The following CYBA variants were observed in gnomAD, a reference collection of about 807,000 sequenced individuals.
CYBA encodes the protein cytochrome b-245 light chain.
Under a neutral mutation model 20.8 loss-of-function variants are expected in CYBA, and 21 were observed. That is an observed-to-expected ratio of 1.01 (90% CI 0.72 to 1.46). The LOEUF (loss-of-function observed/expected upper bound fraction) is 1.46. Among genes scored for constraint, CYBA ranks in the 40% most tolerant of loss-of-function variants. CYBA has a pLI of 0.00. For synonymous variants in CYBA, 164 were observed against 127.5 expected (o/e 1.29, Z -1.93); for missense variants, 344 against 287.0 (o/e 1.20, Z -1.43).
intron 1 of CYBA, chr16:88,650,263 C>G: frequency 2.4e-6 from 1 of 412,634 alleles, no homozygotes; most frequent in Non-Finnish European, 5.0e-6. Context: ...CCGTGCTGGG[C>G]CAGACACTCC....
At position 88,651,029 on chromosome 16, in the gene CYBA, G is replaced by C; in HGVS notation, c.-16C>G. ...TCTGCCCCATGGCGACACGAACCCG[G>C]CTGGGACACTGCTAGGCGCGCACTG... On this transcript the variant is annotated 5_prime_UTR_variant, in exon 1 of 6. Transcript: ENST00000261623. 6.3e-7 allele frequency: 1 copy of C among 1,589,158 alleles called. No homozygotes were observed. Among genetic ancestry groups the C allele is most frequent in the Non-Finnish European group, 8.5e-7 (1 of 1,170,812 alleles).
rs368353691 is a variant in CYBA, at chr16:88,644,357, C to G, written c.370-786G>C. On this transcript the variant is annotated intron_variant, in intron 5 of 5. Transcript: ENST00000261623. The stretch of plus-strand genomic sequence containing the variant: ...CCAGGGCCAGGGAAAGGTGTTTTCA[C>G]AAAGCACAGACCATAGAGCAGGTGA... 2.6e-4 allele frequency among the ~76,000 whole-genome samples: 40 copies of G among 152,322 alleles called. No homozygotes were observed. In the East Asian group the frequency reaches 3.5e-3, roughly 13 times the overall value.
Position 88,646,193 on chromosome 16 carries a change from A to G in CYBA, c.292T>C (p.Ser98Pro). ...GCCAGCAGGAAGCCGGCGGGCACCGAGAGCCTGGGGGACAGCGGGTGAGAG... is the reference window on the plus strand; with the variant it reads ...GCCAGCAGGAAGCCGGCGGGCACCGGGAGCCTGGGGGACAGCGGGTGAGAG... ...YVRAVLHLLL[S>P]VPAGFLLATI... The change falls in exon 5 of 6, where the codon TCG (serine) becomes CCG (proline). Residue 98 changes from serine (S) to proline (P), a missense_variant. By Grantham distance (74) the Ser-to-Pro change is moderately conservative. Coordinates refer to ENST00000261623, the MANE Select transcript of CYBA (RefSeq NM_000101.4). 1 of 1,553,018 alleles carries G rather than the reference A, an allele frequency of 6.4e-7. No individual in the cohort carries two copies. The highest frequency in any genetic ancestry group is 8.7e-7 in the Non-Finnish European group (1 of 1,151,950).
chr16:88,644,294 G>C (rs887866106), intron 5 of CYBA, among the ~76,000 whole-genome samples: 1 of 152,194 alleles, frequency 6.6e-6, no homozygotes, highest in Non-Finnish European at 1.5e-5. Context: ...AAAACTAGAA[G>C]GCTGATAGAA....
chr16:88,644,400 C>T (rs72558345), intron 5 of CYBA, among the ~76,000 whole-genome samples: 67 of 152,354 alleles, frequency 4.4e-4, no homozygotes, highest in African/African-American at 1.4e-3. Flanking sequence ...AACCTCTGCT[C>T]TTCCGTGCAG....
intron 2 of CYBA, among the ~76,000 whole-genome samples, chr16:88,647,434 G>C (rs1907331342): frequency 6.6e-6 from 1 of 152,232 alleles, no homozygotes; most frequent in South Asian, 2.1e-4. Flanking sequence ...AGCTACTCCA[G>C]AGGCTGAGGT....
In CYBA at chr16:88,646,028, G is replaced by A. The variant is rs895177297; in HGVS notation, c.369+88C>T. ...CAGCCTTGGCTCAGCCTACAGAGCC[G>A]GCTTCAAGGGCCATGCGTGTCCGAG... is the stretch of plus-strand genomic sequence containing the variant. On this transcript the variant is annotated intron_variant, in intron 5 of 5. Transcript: ENST00000261623. The A allele has an allele frequency of 1.7e-4, 195 of 1,130,980 alleles. 1 individual carries two copies. In the African/African-American group the frequency reaches 2.3e-3, roughly 13 times the overall value. 70.1% of individuals were successfully genotyped at this position (1,130,980 alleles called of 1,614,324 possible). A position where few individuals can be genotyped will look rare whatever the true frequency, so the allele number is the denominator to read the frequency against.
rs1205342707 is a variant in CYBA at position 88,648,089 on chromosome 16, G to C, written c.84C>G (p.Ala28=). Residue 28 remains alanine (A), a synonymous_variant, in exon 2 of 6, where the codon GCC becomes GCG. Transcript: ENST00000261623. ...ACCACTGGGTGAAGCGCCCAGCTGT[G>C]GCCACGATGCCCCCGGTGATGAGGA... The part of the protein sequence containing the change: ...GLILITGGIV[A]TAGRFTQWYF... 1.2e-6 allele frequency: 2 copies of C among 1,612,990 alleles called. No individual in the cohort carries two copies. The highest frequency in any genetic ancestry group is 1.7e-6 in the Non-Finnish European group (2 of 1,179,818).
intron 1 of CYBA, among the ~76,000 whole-genome samples, chr16:88,648,371 C>G (rs1298774569): frequency 6.6e-6 from 1 of 152,164 alleles, no homozygotes. Flanking sequence ...CCAAGGACAG[C>G]CCGACCTGCA....
intron 1 of CYBA, chr16:88,650,643 G>A (rs1199793383): frequency 3.5e-6 from 2 of 565,544 alleles, no homozygotes; most frequent in Admixed American, 2.6e-5. Context: ...AAACCACCGG[G>A]GCTGAACCGC....
rs2228472 is a variant in CYBA at position 88,646,805 on chromosome 16, C to G, written c.237G>C (p.Leu79=). The change falls in exon 4 of 6, where the codon CTG becomes CTC. Residue 79 remains leucine (L), a synonymous_variant. Transcript: ENST00000261623. The part of the protein sequence containing the change: ...GQKYMTAVVK[L]FGPFTRNYYV... ...AGTAATTCCTGGTAAAGGGCCCGAA[C>G]AGCTTCACCACGGCGGTCATGTACT... The G allele has an allele frequency of 7.5e-3, 12,056 of 1,613,928 alleles. 795 individuals are homozygous for G. In the African/African-American group the frequency reaches 0.14, roughly 19 times the overall value.
chr16:88,648,778 C>T (rs1166050849), intron 1 of CYBA, among the ~76,000 whole-genome samples: 1 of 151,630 alleles, frequency 6.6e-6, no homozygotes, highest in African/African-American at 2.4e-5. Flanking sequence ...CCACCATGCC[C>T]AGCTAATTTT....
At chr16:88,646,240 CAGAAA>C in intron 4 of CYBA, 43 bp from the exon 5 acceptor site, 11 of 1,078,372 alleles carry the variant, frequency 1.0e-5, no homozygotes, top group Non-Finnish European at 1.1e-5. Context: ...GAAGGGCACT[CAGAAA>C]GGGGAACGGA....
In CYBA at chr16:88,643,529, G is replaced by T; in HGVS notation, c.412C>A (p.Pro138Thr). 6.5e-7 allele frequency: 1 copy of T among 1,535,196 alleles called. No individual in the cohort carries two copies. Among genetic ancestry groups the T allele is most frequent in the Non-Finnish European group, 8.7e-7 (1 of 1,146,818 alleles). ...GEQWTPIEPK[P>T]RERPQIGGTI... ...CCTCCGATCTGCGGCCGCTCCCGGGGCTTGGGCTCGATGGGCGTCCACTGC... is the reference window on the plus strand; with the variant it reads ...CCTCCGATCTGCGGCCGCTCCCGGGTCTTGGGCTCGATGGGCGTCCACTGC... Residue 138 changes from proline to threonine, a missense_variant, in exon 6 of 6, where the codon CCC becomes ACC. Coordinates refer to ENST00000261623, the MANE Select transcript of CYBA (RefSeq NM_000101.4). The surrounding 1 kb of genome is among the most constrained non-coding windows in gnomAD (Gnocchi z 4.3).
At chr16:88,647,237 T>C (rs1597372568) in intron 2 of CYBA, 62 bp from the exon 3 acceptor site, 2 of 1,519,104 alleles carry the variant, frequency 1.3e-6, no homozygotes, top group East Asian at 4.6e-5. Flanking sequence ...GAACTCCCTT[T>C]ACTGAAGACA....
intron 4 of CYBA, 132 bp downstream of exon 4, chr16:88,646,623 G>A (rs539876753): frequency 5.4e-5 from 45 of 833,366 alleles, no homozygotes; most frequent in Middle Eastern, 4.3e-4. Context: ...CCAGGGACCC[G>A]AATTTTTGTT....
In CYBA at chr16:88,651,019, C is replaced by G. The variant is rs201703733; in HGVS notation, c.-6G>C. 8.2e-6 allele frequency: 13 copies of G among 1,593,214 alleles called. No individual in the cohort carries two copies. The African/African-American group carries it at 1.7e-4, about 21-fold the overall frequency. ...GCCCACTCGATCTGCCCCATGGCGACACGAACCCGGCTGGGACACTGCTAG... is the reference window on the plus strand; with the variant it reads ...GCCCACTCGATCTGCCCCATGGCGAGACGAACCCGGCTGGGACACTGCTAG... On this transcript the variant is annotated 5_prime_UTR_variant, in exon 1 of 6. Coordinates refer to ENST00000261623, the MANE Select transcript of CYBA (RefSeq NM_000101.4).
At position 88,649,143 on chromosome 16, in the gene CYBA, T is replaced by G. The variant is rs141954916; in HGVS notation, c.59-1029A>C. Among the ~76,000 whole-genome samples, 563 of 151,642 alleles carry G rather than the reference T, an allele frequency of 3.7e-3. 4 individuals are homozygous for G. Among genetic ancestry groups the G allele is most frequent in the African/African-American group, 0.013 (528 of 41,318 alleles). On this transcript the variant is annotated intron_variant, in intron 1 of 5. Transcript: ENST00000261623. ...TAGTAGAGACGGGGTTTCACTGTGT[T>G]AGCCAGGATGGTCTCGATCTCCTGA...
chr16:88,647,159 C>A lies in CYBA; in HGVS notation c.145G>T (p.Val49Leu). Reference protein sequence around the residue: ...GAYSIVAGVFVCLLEYPRGKR... With the variant: ...GAYSIVAGVFLCLLEYPRGKR... ...CCCCGGGGGTACTCCAGCAGGCACA[C>A]AAACACGCCCGCCACACTGAAGCCA... The change falls in exon 3 of 6, where the codon GTG becomes TTG. Residue 49 changes from valine to leucine, a missense_variant. Coordinates refer to ENST00000261623, the MANE Select transcript of CYBA (RefSeq NM_000101.4). 2 of 1,609,206 alleles carry A rather than the reference C, an allele frequency of 1.2e-6. No individual in the cohort carries two copies. The highest frequency in any genetic ancestry group is 1.1e-5 in the South Asian group (1 of 90,832).
Sources: allele counts gnomAD v4.1 joint callset (sites outside exome capture counted in the v4.1 genomes callset), GRCh38; gene constraint gnomAD v4.1.1; non-coding constraint Gnocchi (gnomAD v3.1); transcripts MANE v1.5; gene names NCBI Gene and HGNC (gene_info 2026-07-23, HGNC 2026-07-21).